Variants in GABRB3 observed in about 807,000 individuals in gnomAD.
GABRB3 encodes the protein gamma-aminobutyric acid receptor subunit beta-3.
A neutral mutation model predicts 52.1 loss-of-function variants in GABRB3; 14 were observed. That is an observed-to-expected ratio of 0.27 (90% CI 0.18 to 0.42). The LOEUF is 0.42. Ranked by LOEUF, GABRB3 falls within the 10% of genes least tolerant of loss-of-function variation. The pLI, the probability that GABRB3 is intolerant of heterozygous loss-of-function variation, is 1.00. For synonymous variants in GABRB3, 260 were observed against 232.3 expected (o/e 1.12, Z -1.08); for missense variants, 307 against 609.1 (o/e 0.50, Z 5.22).
intron 3 of GABRB3, among the ~76,000 whole-genome samples, chr15:26,692,202 T>C (rs569388422): frequency 1.3e-5 from 2 of 152,312 alleles, no homozygotes; most frequent in East Asian, 1.9e-4. Context: ...ATTAATCTCA[T>C]GGAGGTGATC....
chr15:26,766,826 GAGCCC>G (rs1891010320), intron 3 of GABRB3, among the ~76,000 whole-genome samples: 1 of 151,964 alleles, frequency 6.6e-6, no homozygotes, highest in Non-Finnish European at 1.5e-5. Flanking sequence ...TAAGATCCTA[GAGCCC>G]AGCACGGGCT....
At position 26,543,975 on chromosome 15, in the gene GABRB3, A is replaced by G. The variant is rs755207385; in HGVS notation, c.*3818T>C. 2.6e-5 allele frequency: 4 copies of G among 152,640 alleles called. No homozygotes were observed. The highest frequency in any genetic ancestry group is 5.9e-5 in the Non-Finnish European group (4 of 68,050). 9.5% of individuals were successfully genotyped at this position (152,640 alleles called of 1,614,324 possible). On this transcript the variant is annotated 3_prime_UTR_variant, in exon 9 of 9. Coordinates refer to ENST00000311550, the MANE Select transcript of GABRB3 (RefSeq NM_000814.6). ...AGAAGAGGTAATCAATCCAAGGCAC[A>G]CTAGCTAGTGTCCTGGAAAAATTTA...
intron 3 of GABRB3, chr15:26,716,714 T>C (rs17561473): frequency 0.046 from 31,944 of 696,054 alleles, 2,648 homozygotes; most frequent in African/African-American, 0.16. Context: ...TGCCTTTCTC[T>C]TTCACAGGCC....
In GABRB3 at chr15:26,554,037, T is replaced by TA. The variant is rs59100810; in HGVS notation, c.1081-5904_1081-5903insT. Among the ~76,000 whole-genome samples the TA allele has an allele frequency of 6.8e-3, 396 of 58,466 alleles. 83 individuals are homozygous for TA. The highest frequency in any genetic ancestry group is 0.027 in the African/African-American group (340 of 12,520). 38.4% of individuals were successfully genotyped at this position (58,466 alleles called of 152,430 possible). On this transcript the variant is annotated intron_variant, in intron 8 of 8. Coordinates refer to ENST00000311550, the MANE Select transcript of GABRB3 (RefSeq NM_000814.6). ...CCTGACTATTTATATATATATATAT[T>TA]TATTTATTTATATTTATTTATATAT...
chr15:26,685,443 C>T (rs1004485459), intron 3 of GABRB3, among the ~76,000 whole-genome samples: 5 of 152,048 alleles, frequency 3.3e-5, no homozygotes, highest in African/African-American at 1.2e-4. Flanking sequence ...GCACAATTTC[C>T]AAGGGAAAAG....
intron 3 of GABRB3, among the ~76,000 whole-genome samples, chr15:26,700,766 A>C (rs1025567309): frequency 6.6e-6 from 1 of 152,210 alleles, no homozygotes; most frequent in Non-Finnish European, 1.5e-5. Flanking sequence ...TTGTCTTACA[A>C]AACTCTCGGC....
intron 3 of GABRB3, among the ~76,000 whole-genome samples, chr15:26,737,585 CAGGTGGAA>C (rs925222047): frequency 1.8e-4 from 27 of 152,038 alleles, no homozygotes; most frequent in African/African-American, 5.8e-4. Context: ...GTAATCTATC[CAGGTGGAA>C]AGTCAATATT....
intron 3 of GABRB3, among the ~76,000 whole-genome samples, chr15:26,770,809 T>G (rs1891123965): frequency 6.6e-6 from 1 of 152,256 alleles, no homozygotes; most frequent in Admixed American, 6.5e-5. Context: ...AGTGTGGATC[T>G]TAAATGTATT....
chr15:26,714,294 C>T (rs559946267), intron 3 of GABRB3, among the ~76,000 whole-genome samples: 4 of 152,216 alleles, frequency 2.6e-5, no homozygotes, highest in Non-Finnish European at 5.9e-5. Context: ...CCCATAACTA[C>T]TGTGAACCCC....
chr15:26,572,786 C>T (rs1013177992), intron 6 of GABRB3, among the ~76,000 whole-genome samples: 12 of 152,278 alleles, frequency 7.9e-5, no homozygotes, highest in Non-Finnish European at 1.2e-4. Flanking sequence ...CCAGTGCAGA[C>T]GTGGTCAGGT....
intron 7 of GABRB3, among the ~76,000 whole-genome samples, chr15:26,567,300 G>C (rs961541739): frequency 3.9e-4 from 60 of 152,288 alleles, no homozygotes; most frequent in Non-Finnish European, 1.2e-4. Flanking sequence ...GTTAAACCTT[G>C]CTTTAAAATT....
intron 4 of GABRB3, among the ~76,000 whole-genome samples, chr15:26,608,350 A>G (rs796901623): frequency 5.3e-5 from 8 of 152,238 alleles, no homozygotes; most frequent in African/African-American, 1.9e-4. Flanking sequence ...CAACTGTTAA[A>G]TTACTAAAAG....
intron 3 of GABRB3, among the ~76,000 whole-genome samples, chr15:26,622,134 C>T (rs1892505955): frequency 6.6e-6 from 1 of 152,012 alleles, no homozygotes; most frequent in Admixed American, 6.6e-5. Context: ...ACCATAAAAT[C>T]ACCCGGAGAT....
At chr15:26,715,075 G>C (rs1889424398) in intron 3 of GABRB3, among the ~76,000 whole-genome samples, 1 of 152,170 alleles carries the variant, frequency 6.6e-6, no homozygotes. Context: ...GCAGACAAGA[G>C]GGCAAGAGGG....
intron 3 of GABRB3, among the ~76,000 whole-genome samples, chr15:26,729,947 T>G (rs571207443): frequency 6.5e-4 from 99 of 152,288 alleles, no homozygotes; most frequent in African/African-American, 2.3e-3. Context: ...GTAACCTCAG[T>G]ACCTAGAACC....
At chr15:26,712,178 CTTTT>C (rs3046011) in intron 3 of GABRB3, among the ~76,000 whole-genome samples, 1 of 146,512 alleles carries the variant, frequency 6.8e-6, no homozygotes, top group African/African-American at 2.5e-5. Flanking sequence ...ACTTTTCTTT[CTTTT>C]TTTTTTTTTG....
chr15:26,724,543 T>C (rs1182253966), intron 3 of GABRB3, among the ~76,000 whole-genome samples: 1 of 152,124 alleles, frequency 6.6e-6, no homozygotes, highest in Non-Finnish European at 1.5e-5. Context: ...CCAGCATTCT[T>C]TCCTGATAAG....
intron 4 of GABRB3, chr15:26,614,916 T>C (rs1892200109): frequency 6.6e-6 from 1 of 152,190 alleles, no homozygotes; most frequent in Non-Finnish European, 1.5e-5. Flanking sequence ...ATATGGATGT[T>C]GCTTTGATGA....
chr15:26,627,983 C>CA (rs1892770777), intron 3 of GABRB3, among the ~76,000 whole-genome samples: 1 of 152,204 alleles, frequency 6.6e-6, no homozygotes, highest in South Asian at 2.1e-4. Context: ...CAGCTTTCAG[C>CA]AACCACCACC....
Sources: gnomAD v4.1 joint callset for allele counts (sites outside exome capture counted in the v4.1 genomes callset) on GRCh38, gnomAD v4.1.1 for gene constraint, MANE v1.5 for transcripts, NCBI Gene and HGNC (gene_info 2026-07-23, HGNC 2026-07-21) for gene names.